The following TTLL4 variants were observed in gnomAD, a reference collection of about 807,000 sequenced individuals.
The protein encoded by TTLL4 is tubulin monoglutamylase TTLL4.
Under a neutral mutation model 122.7 loss-of-function variants are expected in TTLL4, and 85 were observed. The ratio of observed to expected loss-of-function variants is 0.69; its 90% CI spans 0.58 to 0.83. The LOEUF (loss-of-function observed/expected upper bound fraction) is 0.83, where lower values mean the gene tolerates loss of function less well. Ranked by LOEUF, TTLL4 falls within the 40% of genes least tolerant of loss-of-function variation. The pLI is 0.00. For missense variants in TTLL4, 1,363 were observed against 1,488.6 expected (o/e 0.92, Z 1.39); for synonymous variants, 553 against 563.0 (o/e 0.98, Z 0.25).
intron 1 of TTLL4, among the ~76,000 whole-genome samples, chr2:218,720,252 G>C (rs1344643): frequency 0.4 from 61,000 of 151,844 alleles, 12,733 homozygotes; most frequent in Non-Finnish European, 0.42. Flanking sequence ...TTGTGAGAGA[G>C]ATTGATTTGA....
rs1942597425 is a variant in TTLL4, at chr2:218,738,426, C to T, written c.750C>T (p.Val250=). ...TATCGCCACCCAAGATCCAGCCTGT[C>T]TCCTGGCATCATTCAGGGGGTACTG... The part of the protein sequence containing the change: ...KPVSPPKIQP[V]SWHHSGGTGD... Residue 250 remains valine (V), a synonymous_variant, in exon 3 of 20, where the codon GTC becomes GTT. Coordinates refer to ENST00000392102, the MANE Select transcript of TTLL4 (RefSeq NM_014640.5). The T allele has an allele frequency of 6.2e-7, 1 of 1,614,208 alleles. No individual in the cohort carries two copies. The highest frequency in any genetic ancestry group is 8.5e-7 in the Non-Finnish European group (1 of 1,180,036).
At chr2:218,723,864 T>A (rs1042037769) in intron 1 of TTLL4, among the ~76,000 whole-genome samples, 1 of 152,200 alleles carries the variant, frequency 6.6e-6, no homozygotes, top group African/African-American at 2.4e-5. Flanking sequence ...CAACTTGTGA[T>A]CCTGGGCCAG....
intron 1 of TTLL4, among the ~76,000 whole-genome samples, chr2:218,717,764 C>G (rs1372109167): frequency 2.0e-5 from 3 of 151,756 alleles, no homozygotes; most frequent in Non-Finnish European, 4.4e-5. Context: ...CTACACTCCT[C>G]TCTATTTGGT....
Position 218,754,223 on chromosome 2 carries a change from AT to A in TTLL4, c.3435del (p.Gln1147ArgfsTer25), listed in dbSNP as rs773136143. ...AAGACTCAAGCTGGCCTTTCCCCTT[AT>A]CCCCAGAAACCCAGTTCCTCAAAGG... is the stretch of plus-strand genomic sequence containing the variant. ...SKKTQAGLSP[Y>X]PQKPSSSKDS... On this transcript the variant is annotated frameshift_variant, in exon 20 of 20. Transcript: ENST00000392102. LOFTEE classifies it high-confidence loss of function. 1 of 1,614,184 alleles carries A rather than the reference AT, an allele frequency of 6.2e-7. No homozygotes were observed. Among genetic ancestry groups the A allele is most frequent in the Non-Finnish European group, 8.5e-7 (1 of 1,180,044 alleles).
chr2:218,741,807 C>T (rs1346827559), intron 5 of TTLL4, among the ~76,000 whole-genome samples: 1 of 152,186 alleles, frequency 6.6e-6, no homozygotes, highest in Non-Finnish European at 1.5e-5. Context: ...TACTTCAGGA[C>T]TGCTACACAA....
At chr2:218,753,406 T>G in intron 18 of TTLL4, 178 bp from the exon 19 acceptor site, 1 of 827,818 alleles carries the variant, frequency 1.2e-6, no homozygotes, top group East Asian at 2.4e-5. Flanking sequence ...GGCCTCAACT[T>G]CTTGTTTGAT....
intron 1 of TTLL4, among the ~76,000 whole-genome samples, chr2:218,717,682 T>C (rs1440619518): frequency 2.0e-5 from 3 of 152,338 alleles, no homozygotes; most frequent in South Asian, 2.1e-4. Context: ...AGGAGAGATA[T>C]ATTGCTCCTC....
At position 218,737,843 on chromosome 2, in the gene TTLL4, A is replaced by G; in HGVS notation, c.167A>G (p.Glu56Gly). 1 of 1,614,224 alleles carries G rather than the reference A, an allele frequency of 6.2e-7. No homozygotes were observed. The highest frequency in any genetic ancestry group is 8.5e-7 in the Non-Finnish European group (1 of 1,180,038). ...CAAGTGAAGCCAATCTGGAAGCTGG[A>G]AAAGAAGCAAGTGGAGACACTGTCA... ...HQQVKPIWKL[E>G]KKQVETLSAG... Residue 56 changes from glutamate (E) to glycine (G), a missense_variant, in exon 3 of 20, where the codon GAA becomes GGA. Physicochemically the swap from Glu to Gly is moderately conservative, Grantham distance 98. This residue lies in a region of TTLL4 where 760 missense variants were observed against 808.4 expected (regional missense o/e 0.94). Coordinates refer to ENST00000392102, the MANE Select transcript of TTLL4 (RefSeq NM_014640.5).
chr2:218,738,209 C>A lies in TTLL4; in HGVS notation c.533C>A (p.Ser178Tyr). The change falls in exon 3 of 20, where the codon TCC (serine) becomes TAC (tyrosine). Residue 178 changes from serine (S) to tyrosine (Y), a missense_variant. This residue lies in a region of TTLL4 where 760 missense variants were observed against 808.4 expected (regional missense o/e 0.94). Coordinates refer to ENST00000392102, the MANE Select transcript of TTLL4 (RefSeq NM_014640.5). ...ATGGCCCAGCCCATGGCCTCCTCAT[C>A]CACAGAACCATACCTCTGCTTGGCA... ...FSMAQPMASS[S>Y]TEPYLCLAAA... 1.2e-6 allele frequency: 2 copies of A among 1,614,128 alleles called. No homozygotes were observed. The highest frequency in any genetic ancestry group is 1.7e-6 in the Non-Finnish European group (2 of 1,180,014).
rs1942651126 is a variant in TTLL4 at position 218,739,928 on chromosome 2, G to T, written c.1488-130G>T. On this transcript the variant is annotated intron_variant, in intron 3 of 19. Transcript: ENST00000392102. ...TGAAGACAAAAGAAATGAGTTGTGA[G>T]GTCCAGGCAAGAAGTAGCAGATTGG... 7.7e-6 allele frequency: 6 copies of T among 778,180 alleles called. No individual in the cohort carries two copies. The Admixed American group carries it at 1.3e-4, about 17-fold the overall frequency. The allele number at this position is 778,180 out of a possible 1,614,324, so 48.2% of individuals were successfully genotyped here.
In TTLL4 at chr2:218,753,601, A is replaced by G; in HGVS notation, c.3276A>G (p.Ser1092=). 6.2e-7 allele frequency: 1 copy of G among 1,614,148 alleles called. No homozygotes were observed. Among genetic ancestry groups the G allele is most frequent in the South Asian group, 1.1e-5 (1 of 91,084 alleles). Residue 1092 remains serine (S), a synonymous_variant, in exon 19 of 20, where the codon TCA becomes TCG. Coordinates refer to ENST00000392102, the MANE Select transcript of TTLL4 (RefSeq NM_014640.5). ...DSAPVWSLPT[S]LLTISKDDVI... ...GCTCTTAGTGGTCTCTCCCGACATCACTTCTGACTATCTCAAAGGATGACG... is the reference window on the plus strand; with the variant it reads ...GCTCTTAGTGGTCTCTCCCGACATCGCTTCTGACTATCTCAAAGGATGACG...
intron 2 of TTLL4, among the ~76,000 whole-genome samples, chr2:218,729,142 C>G (rs1942282568): frequency 6.6e-6 from 1 of 152,032 alleles, no homozygotes; most frequent in African/African-American, 2.4e-5. Context: ...CCATGTTGGC[C>G]AGGCTGGTCT....
rs760321068 is a variant in TTLL4 at position 218,738,378 on chromosome 2, GACC to G, written c.705_707del (p.Thr236del). 6.2e-7 allele frequency: 1 copy of G among 1,614,132 alleles called. No homozygotes were observed. Among genetic ancestry groups the G allele is most frequent in the Admixed American group, 1.7e-5 (1 of 60,026 alleles). ...ATAGCACGCCAGTGCCTTTATTGCA[GACC>G]ACACAGGGCCTGAAGCCAGTATCGC... On this transcript the variant is annotated inframe_deletion, in exon 3 of 20. Transcript: ENST00000392102.
At position 218,751,715 on chromosome 2, in the gene TTLL4, C is replaced by A. The variant is rs776722427; in HGVS notation, c.2885C>A (p.Ser962Tyr). The A allele has an allele frequency of 1.2e-6, 2 of 1,613,000 alleles. No homozygotes were observed. The highest frequency in any genetic ancestry group is 1.7e-6 in the Non-Finnish European group (2 of 1,179,296). The change falls in exon 16 of 20, where the codon TCC (serine) becomes TAC (tyrosine). Residue 962 changes from serine to tyrosine, a missense_variant. Ser to Tyr is a moderately radical substitution (Grantham distance 144). Transcript: ENST00000392102. ...GGCCTCTGCCGTAGCCTGCCCACCT[C>A]CCCTGGGGACAAATGTCGAATGGCT... is the stretch of plus-strand genomic sequence containing the variant. The part of the protein sequence containing the change: ...CSSSTTSLPT[S>Y]PGDKCRMAPE...
chr2:218,736,538 C>G (rs1269428552), intron 2 of TTLL4, among the ~76,000 whole-genome samples: 1 of 152,232 alleles, frequency 6.6e-6, no homozygotes, highest in African/African-American at 2.4e-5. Context: ...CTTCTGTCCT[C>G]TTCTTACTCC....
intron 1 of TTLL4, among the ~76,000 whole-genome samples, chr2:218,719,543 A>T (rs1941971284): frequency 6.6e-6 from 1 of 151,682 alleles, no homozygotes. Context: ...AACAGAGTTC[A>T]AGGTAGGAGG....
At chr2:218,731,016 G>A (rs183328601) in intron 2 of TTLL4, among the ~76,000 whole-genome samples, 1 of 152,184 alleles carries the variant, frequency 6.6e-6, no homozygotes, top group Non-Finnish European at 1.5e-5. Flanking sequence ...GGAGACTGAG[G>A]TGGGCAGATG....
At position 218,740,132 on chromosome 2, in the gene TTLL4, A is replaced by G. The variant is rs901035208; in HGVS notation, c.1562A>G (p.Asp521Gly). The change falls in exon 4 of 20, where the codon GAC (aspartate) becomes GGC (glycine). Residue 521 changes from aspartate to glycine, a missense_variant. Asp to Gly is a moderately conservative substitution (Grantham distance 94). Around this residue, in one of 3 missense-constraint regions of TTLL4, gnomAD observed 760 missense variants for 808.4 expected, o/e 0.94. Coordinates refer to ENST00000392102, the MANE Select transcript of TTLL4 (RefSeq NM_014640.5). Reference sequence around the variant, plus strand: ...GAAGAACTAGTAGATGGTTTGGAAGACTGTTGTAGCCGTGATGAGAATGAA... The same window carrying G: ...GAAGAACTAGTAGATGGTTTGGAAGGCTGTTGTAGCCGTGATGAGAATGAA... ...TEEELVDGLE[D>G]CCSRDENEEE... 1 of 1,614,062 alleles carries G rather than the reference A, an allele frequency of 6.2e-7. No individual in the cohort carries two copies. The highest frequency in any genetic ancestry group is 1.3e-5 in the African/African-American group (1 of 74,914).
chr2:218,714,619 A>G (rs961874533), intron 1 of TTLL4, among the ~76,000 whole-genome samples: 3 of 152,046 alleles, frequency 2.0e-5, no homozygotes, highest in Non-Finnish European at 4.4e-5. Context: ...GCCCTCATAG[A>G]TATGCTAGAG....
Sources: allele counts gnomAD v4.1 joint callset (sites outside exome capture counted in the v4.1 genomes callset), GRCh38; gene constraint gnomAD v4.1.1; regional missense constraint gnomAD v4.1.1; transcripts MANE v1.5; gene names NCBI Gene and HGNC (gene_info 2026-07-23, HGNC 2026-07-21).